The following TNR variants were observed in gnomAD, a reference collection of about 807,000 sequenced individuals.
TNR encodes the protein tenascin-R.
A neutral mutation model predicts 150.4 loss-of-function variants in TNR; 45 were observed. The ratio of observed to expected loss-of-function variants is 0.30; its 90% CI spans 0.24 to 0.38. The LOEUF is 0.38. Among genes scored for constraint, TNR ranks in the 10% least tolerant of loss-of-function variants. TNR has a pLI of 1.00. For synonymous variants in TNR, 687 were observed against 678.4 expected, an observed-to-expected ratio of 1.01 and a Z score of -0.20; for missense variants, 1,544 against 1,759.1, an observed-to-expected ratio of 0.88 and a Z score of 2.19.
chr1:175,355,049 T>A (rs1224552219), intron 17 of TNR, among the ~76,000 whole-genome samples: 3 of 152,228 alleles, frequency 2.0e-5, no homozygotes, highest in Admixed American at 2.0e-4. Context: ...TTTATAATGC[T>A]TATCAAGAGG....
chr1:175,412,652 G>T (rs538178905), intron 2 of TNR, among the ~76,000 whole-genome samples: 1 of 151,700 alleles, frequency 6.6e-6, no homozygotes, highest in African/African-American at 2.4e-5. Context: ...AATGTGTCCC[G>T]CACTCCAGCT....
Position 175,403,603 on chromosome 1 carries a change from A to G in TNR, c.513T>C (p.Tyr171=). The G allele has an allele frequency of 6.2e-7, 1 of 1,613,042 alleles. No individual in the cohort carries two copies. The highest frequency in any genetic ancestry group is 8.5e-7 in the Non-Finnish European group (1 of 1,179,440). The change falls in exon 4 of 23, where the codon TAT becomes TAC. Residue 171 remains tyrosine (Y), a synonymous_variant. Coordinates refer to ENST00000367674, the MANE Select transcript of TNR (RefSeq NM_003285.3). Reference sequence around the variant, plus strand: ...TGCCGTGGCCACTGCAGTGAGGGATATAGTCCAGTTGTCCTGGAATGGTCA... The same window carrying G: ...TGCCGTGGCCACTGCAGTGAGGGATGTAGTCCAGTTGTCCTGGAATGGTCA... ...QESAATGQLD[Y]IPHCSGHGNF...
chr1:175,738,194 T>G (rs1401042785), intron 1 of TNR, among the ~76,000 whole-genome samples: 1 of 152,168 alleles, frequency 6.6e-6, no homozygotes, highest in East Asian at 1.9e-4. Context: ...CAAGAAAGTT[T>G]CCTTTTCTTA....
chr1:175,715,387 G>T (rs1411477936), intron 1 of TNR, among the ~76,000 whole-genome samples: 2 of 152,106 alleles, frequency 1.3e-5, no homozygotes, highest in African/African-American at 4.8e-5. Context: ...TTCTGAGCTT[G>T]CCCCAAAGGC....
intron 2 of TNR, among the ~76,000 whole-genome samples, chr1:175,418,722 GAAAA>G (rs71565437): frequency 7.7e-6 from 1 of 129,922 alleles, no homozygotes; most frequent in African/African-American, 2.8e-5. Flanking sequence ...GAGAGAGAGA[GAAAA>G]AAAAAAAAAG....
At chr1:175,378,348 C>T (rs1025918572) in intron 9 of TNR, among the ~76,000 whole-genome samples, 18 of 151,876 alleles carry the variant, frequency 1.2e-4, no homozygotes, top group Admixed American at 3.3e-4. Flanking sequence ...AATGGTGAAC[C>T]CTGAGATTCA....
chr1:175,338,679 A>T (rs1401986088), intron 18 of TNR, among the ~76,000 whole-genome samples: 1 of 152,210 alleles, frequency 6.6e-6, no homozygotes, highest in Non-Finnish European at 1.5e-5. Context: ...TTACTGCAGT[A>T]TACCCTAGTG....
At chr1:175,683,029 T>C (rs1666085528) in intron 1 of TNR, among the ~76,000 whole-genome samples, 2 of 152,262 alleles carry the variant, frequency 1.3e-5, no homozygotes, top group East Asian at 1.9e-4. Context: ...ATGGGCGAGC[T>C]TGGGGGCAAG....
intron 1 of TNR, among the ~76,000 whole-genome samples, chr1:175,709,068 G>C (rs1466747786): frequency 2.0e-5 from 3 of 151,980 alleles, no homozygotes; most frequent in Non-Finnish European, 2.9e-5. Context: ...GAAGATGAAG[G>C]CCTTTCCATG....
intron 1 of TNR, among the ~76,000 whole-genome samples, chr1:175,544,112 T>C (rs746037911): frequency 2.6e-5 from 4 of 152,214 alleles, no homozygotes; most frequent in South Asian, 2.1e-4. Flanking sequence ...CCAGGGAGCC[T>C]GAATTTTACT....
intron 2 of TNR, among the ~76,000 whole-genome samples, chr1:175,509,920 C>A (rs184164912): frequency 2.6e-5 from 4 of 152,184 alleles, no homozygotes; most frequent in East Asian, 1.9e-4. Flanking sequence ...GTGTTAAATT[C>A]TTTTCTAAAA....
chr1:175,326,456 A>G (rs973908139), intron 21 of TNR, among the ~76,000 whole-genome samples: 17 of 152,114 alleles, frequency 1.1e-4, no homozygotes, highest in African/African-American at 3.1e-4. Context: ...CCTTTATTTT[A>G]TAGGGAAGGC....
chr1:175,498,949 G>A (rs1043168049), intron 2 of TNR, among the ~76,000 whole-genome samples: 1 of 152,116 alleles, frequency 6.6e-6, no homozygotes, highest in Admixed American at 6.6e-5. Context: ...CTCATATTCA[G>A]GCTACCACAT....
intron 2 of TNR, among the ~76,000 whole-genome samples, chr1:175,451,610 C>T (rs1175730888): frequency 2.0e-5 from 3 of 152,148 alleles, no homozygotes; most frequent in East Asian, 1.9e-4. Flanking sequence ...CTTTTGGATA[C>T]GCCGTCCCAG....
chr1:175,505,552 A>T (rs1164142259), intron 2 of TNR, among the ~76,000 whole-genome samples: 1 of 152,138 alleles, frequency 6.6e-6, no homozygotes, highest in African/African-American at 2.4e-5. Context: ...TCCCTTCAAG[A>T]CATTACCCAC....
intron 2 of TNR, among the ~76,000 whole-genome samples, chr1:175,433,529 A>G (rs952071085): frequency 6.6e-6 from 1 of 152,164 alleles, no homozygotes; most frequent in Admixed American, 6.5e-5. Context: ...TTGTACTTGC[A>G]GTAGAGCCTC....
intron 2 of TNR, among the ~76,000 whole-genome samples, chr1:175,434,367 T>G (rs764538681): frequency 3.3e-5 from 5 of 152,156 alleles, no homozygotes; most frequent in Non-Finnish European, 5.9e-5. Flanking sequence ...CTCCAACTGA[T>G]ATTGCTCTGC....
chr1:175,493,986 C>T (rs1176075558), intron 2 of TNR, among the ~76,000 whole-genome samples: 1 of 152,220 alleles, frequency 6.6e-6, no homozygotes, highest in Non-Finnish European at 1.5e-5. Context: ...CGCCCACTCT[C>T]CCAACCTGTT....
intron 1 of TNR, among the ~76,000 whole-genome samples, chr1:175,708,014 G>C (rs531884108): frequency 0.013 from 1,437 of 112,762 alleles, 23 homozygotes; most frequent in African/African-American, 0.05. Flanking sequence ...AGCCATGTGT[G>C]TGTTTGTGTG....
Sources: allele counts gnomAD v4.1 joint callset (sites outside exome capture counted in the v4.1 genomes callset), GRCh38; gene constraint gnomAD v4.1.1; transcripts MANE v1.5; gene names NCBI Gene and HGNC (gene_info 2026-07-23, HGNC 2026-07-21).